MMS19: variants seen among roughly 807,000 people sequenced by gnomAD.
The protein encoded by MMS19 is MMS19 cytosolic iron-sulfur assembly component, also known as MMS19 nucleotide excision repair protein homolog.
MMS19 carries 77 observed loss-of-function variants against 129.8 expected under a neutral mutation model. The ratio of observed to expected loss-of-function variants is 0.59; its 90% CI spans 0.49 to 0.72. MMS19 has a LOEUF of 0.72. Ranked by LOEUF, MMS19 falls within the 30% of genes least tolerant of loss-of-function variation. The pLI is 0.00. For synonymous variants in MMS19, 491 were observed against 502.8 expected (o/e 0.98, Z 0.31); for missense variants, 1,168 against 1,266.3 (o/e 0.92, Z 1.18).
At chr10:97,467,617 A>G in intron 13 of MMS19, 34 bp from the exon 14 acceptor site, 2 of 1,599,646 alleles carry the variant, frequency 1.3e-6, no homozygotes, top group Non-Finnish European at 1.7e-6. Context: ...GAGTCAAAGA[A>G]TATTTTAAAG....
intron 23 of MMS19, 199 bp from the exon 24 acceptor site, chr10:97,461,206 G>A (rs1313157799): frequency 1.1e-5 from 7 of 608,748 alleles, no homozygotes; most frequent in Admixed American, 3.0e-5. Flanking sequence ...CATTTGAAAA[G>A]AGAGGGTCAT....
intron 8 of MMS19, among the ~76,000 whole-genome samples, chr10:97,474,915 C>CA (rs577724738): frequency 3.1e-3 from 467 of 152,138 alleles, no homozygotes; most frequent in Non-Finnish European, 3.9e-3. Context: ...TATAACCTTT[C>CA]AAAAAAATGG....
chr10:97,469,570 G>A, intron 11 of MMS19, 76 bp downstream of exon 11: 2 of 1,236,906 alleles, frequency 1.6e-6, no homozygotes, highest in East Asian at 2.4e-5. Context: ...AGAGGGAAAA[G>A]GACAGGATGT....
intron 9 of MMS19, 151 bp downstream of exon 9, chr10:97,470,624 G>A (rs375881297): frequency 5.2e-6 from 3 of 576,646 alleles, no homozygotes; most frequent in Admixed American, 6.2e-5. Flanking sequence ...TTTCTACATC[G>A]AAGGTCTGAA....
Position 97,476,756 on chromosome 10 carries a change from G to A in MMS19, c.623-12C>T. On this transcript the variant is annotated splice_polypyrimidine_tract_variant and intron_variant, in intron 7 of 30. Transcript: ENST00000438925. Reference sequence around the variant, plus strand: ...CTCCACAAAGGGTCCTGTGGCAACAGAGAAAAAATGAGGTTGGTTTATCAG... The same window carrying A: ...CTCCACAAAGGGTCCTGTGGCAACAAAGAAAAAATGAGGTTGGTTTATCAG... 6.2e-7 allele frequency: 1 copy of A among 1,613,788 alleles called. No individual in the cohort carries two copies. Among genetic ancestry groups the A allele is most frequent in the Non-Finnish European group, 8.5e-7 (1 of 1,179,804 alleles).
intron 3 of MMS19, among the ~76,000 whole-genome samples, chr10:97,479,842 A>G (rs2036427737): frequency 6.6e-6 from 1 of 152,182 alleles, no homozygotes; most frequent in South Asian, 2.1e-4. Context: ...AGAAAAAAAA[A>G]AAAGAAAGAA....
intron 3 of MMS19, among the ~76,000 whole-genome samples, chr10:97,479,083 T>A (rs2036277290): frequency 6.6e-6 from 1 of 152,134 alleles, no homozygotes; most frequent in African/African-American, 2.4e-5. Flanking sequence ...TCTCTTGGCT[T>A]TGGAGCCCTC....
intron 23 of MMS19, 140 bp downstream of exon 23, chr10:97,461,356 G>A: frequency 9.5e-7 from 1 of 1,053,420 alleles, no homozygotes. Flanking sequence ...CCCACGGGCA[G>A]TCCCAGGACA....
upstream of MMS19, chr10:97,498,792 A>G (rs372503008): frequency 3.8e-6 from 1 of 264,104 alleles, no homozygotes; most frequent in Admixed American, 5.6e-5. Context: ...CGGCGCGGGC[A>G]CCGCGAGCCG....
At chr10:97,487,320 T>TTC (rs931101577) in intron 1 of MMS19, among the ~76,000 whole-genome samples, 38 of 77,084 alleles carry the variant, frequency 4.9e-4, no homozygotes, top group African/African-American at 1.2e-3. Context: ...GAAAATTTCT[T>TTC]TTTTTTTTTT....
chr10:97,463,028 C>A, intron 19 of MMS19: 1 of 257,812 alleles, frequency 3.9e-6, no homozygotes, highest in Non-Finnish European at 7.5e-6. Context: ...ATGTTGGTCT[C>A]TGAAAAAATT....
rs746242973 is a variant in MMS19 at position 97,459,643 on chromosome 10, T to C, written c.2739+16A>G. ...AGCTTTGTCCTTTGCTTAGAAGCTC[T>C]GCCTGTGGGACTTACCGTGGGCAGC... On this transcript the variant is annotated intron_variant, in intron 27 of 30. Transcript: ENST00000438925. 1.8e-5 allele frequency: 28 copies of C among 1,595,436 alleles called. No individual in the cohort carries two copies. The African/African-American group carries it at 3.6e-4, about 20-fold the overall frequency.
In MMS19 at chr10:97,458,402, C is replaced by T. The variant is rs541594791; in HGVS notation, c.*290G>A. 3 of 415,888 alleles carry T rather than the reference C, an allele frequency of 7.2e-6. No individual in the cohort carries two copies. The East Asian group carries it at 1.2e-4, about 17-fold the overall frequency. The allele number at this position is 415,888 out of a possible 1,614,324, so 25.8% of individuals were successfully genotyped here. On this transcript the variant is annotated 3_prime_UTR_variant, in exon 31 of 31. Coordinates refer to ENST00000438925, the MANE Select transcript of MMS19 (RefSeq NM_022362.5). ...GTCCTCAGGGCCACACTCATATGCA[C>T]TCACCCCTCAGCAGCATATCGCCCC...
chr10:97,498,651 T>G (rs1589858665), upstream of MMS19: 3 of 451,776 alleles, frequency 6.6e-6, no homozygotes, highest in East Asian at 8.6e-5. Flanking sequence ...GGAGACGGGC[T>G]GCGGGGCGGG....
At position 97,465,779 on chromosome 10, in the gene MMS19, CGTTGGTG is replaced by C; in HGVS notation, c.1756+19_1756+25del. On this transcript the variant is annotated intron_variant, in intron 18 of 30. Coordinates refer to ENST00000438925, the MANE Select transcript of MMS19 (RefSeq NM_022362.5). ...CTACAGCTCCCTATTCAGCCCAGTCCGTTGGTGGTTATTCCTAGTAGTTACCTCTGTT... is the reference window on the plus strand; with the variant it reads ...CTACAGCTCCCTATTCAGCCCAGTCCGTTATTCCTAGTAGTTACCTCTGTT... 1 of 1,602,370 alleles carries C rather than the reference CGTTGGTG, an allele frequency of 6.2e-7. No homozygotes were observed. The highest frequency in any genetic ancestry group is 1.7e-5 in the Admixed American group (1 of 59,722).
chr10:97,463,421 A>C (rs2032607653), intron 19 of MMS19, among the ~76,000 whole-genome samples: 1 of 152,228 alleles, frequency 6.6e-6, no homozygotes, highest in Non-Finnish European at 1.5e-5. Context: ...GGCCTCCTGA[A>C]GTGCTGGGAT....
In MMS19 at chr10:97,470,851, T is replaced by C; in HGVS notation, c.695A>G (p.Asp232Gly). The C allele has an allele frequency of 6.2e-7, 1 of 1,613,482 alleles. No individual in the cohort carries two copies. Among genetic ancestry groups the C allele is most frequent in the African/African-American group, 1.3e-5 (1 of 74,922 alleles). The change falls in exon 9 of 31, where the codon GAT becomes GGT. Residue 232 changes from aspartate (D) to glycine (G), a missense_variant. Physicochemically the swap from Asp to Gly is moderately conservative, Grantham distance 94. This residue lies in a region of MMS19 where 329 missense variants were observed against 328.6 expected (regional missense o/e 1.00). Transcript: ENST00000438925. The stretch of plus-strand genomic sequence containing the variant: ...GTCTTCTCTCTGGATACCATGGGGA[T>C]CATTAGGTGGCTGGAAAAGGGAGAA... The part of the protein sequence containing the change: ...FPIDFTPPPN[D>G]PHGIQREDLI...
rs554333255 is a variant in MMS19 at position 97,483,990 on chromosome 10, C to T, written c.161+113G>A. 1.7e-5 allele frequency: 12 copies of T among 686,520 alleles called. No individual in the cohort carries two copies. In the South Asian group the frequency reaches 1.9e-4, roughly 11 times the overall value. The allele number at this position is 686,520 out of a possible 1,614,324, so 42.5% of individuals were successfully genotyped here. On this transcript the variant is annotated intron_variant, in intron 2 of 30. Transcript: ENST00000438925. ...ACTGAGGTACTAATATGGAAGGGGG[C>T]TGCTGGGCTACAAGACAAATTCAGG...
At chr10:97,471,491 AAAG>A (rs1256604727) in intron 8 of MMS19, among the ~76,000 whole-genome samples, 3 of 152,076 alleles carry the variant, frequency 2.0e-5, no homozygotes, top group African/African-American at 7.2e-5. Context: ...AAACATAGTA[AAAG>A]AAGGGATTTA....
Sources: gnomAD v4.1 joint callset for allele counts (sites outside exome capture counted in the v4.1 genomes callset) on GRCh38, gnomAD v4.1.1 for gene constraint, gnomAD v4.1.1 regional missense constraint, MANE v1.5 for transcripts, NCBI Gene and HGNC (gene_info 2026-07-23, HGNC 2026-07-21) for gene names.